The following LRRC69 variants were observed in gnomAD, a reference collection of about 807,000 sequenced individuals.
The protein encoded by LRRC69 is leucine-rich repeat-containing protein 69.
In LRRC69, 42 loss-of-function variants were observed where a neutral mutation model predicts 37.8. The ratio of observed to expected loss-of-function variants is 1.11; its 90% CI spans 0.87 to 1.44. The LOEUF (loss-of-function observed/expected upper bound fraction) is 1.44. LRRC69 is among the 40% of genes most tolerant of loss of function. The pLI is 0.00. For synonymous variants in LRRC69, 141 were observed against 143.1 expected (o/e 0.99, Z 0.11); for missense variants, 357 against 401.9 (o/e 0.89, Z 0.96).
At chr8:91,118,079 T>C (rs1449113557) in intron 1 of LRRC69, 1 of 432,922 alleles carries the variant, frequency 2.3e-6, no homozygotes, top group Non-Finnish European at 4.6e-6. Context: ...AGAGCCTAAA[T>C]ACTAAAAAAT....
intron 1 of LRRC69, among the ~76,000 whole-genome samples, chr8:91,112,854 CTAATAAATGAATTCAG>C (rs1813432819): frequency 6.6e-6 from 1 of 151,850 alleles, no homozygotes; most frequent in South Asian, 2.1e-4. Context: ...ACCGTTAGAA[CTAATAAATGAATTCAG>C]TCAAGTTGCA....
chr8:91,217,266 C>T (rs1810067904), intron 7 of LRRC69, among the ~76,000 whole-genome samples: 1 of 152,114 alleles, frequency 6.6e-6, no homozygotes, highest in South Asian at 2.1e-4. Flanking sequence ...TAAAGAAACC[C>T]AACTCATATA....
At chr8:91,186,027 A>G (rs190433911) in intron 5 of LRRC69, among the ~76,000 whole-genome samples, 3 of 152,316 alleles carry the variant, frequency 2.0e-5, no homozygotes, top group Admixed American at 1.3e-4. Flanking sequence ...CTAAATTTGT[A>G]TATTCTTCCT....
At chr8:91,197,752 C>T (rs1240275497) in intron 6 of LRRC69, among the ~76,000 whole-genome samples, 1 of 152,032 alleles carries the variant, frequency 6.6e-6, no homozygotes. Context: ...CTGGCACTCC[C>T]TAGTGAGATG....
At chr8:91,122,446 T>C (rs541053485) in intron 1 of LRRC69, among the ~76,000 whole-genome samples, 1 of 152,226 alleles carries the variant, frequency 6.6e-6, no homozygotes, top group African/African-American at 2.4e-5. Context: ...TCCTGTTCAG[T>C]AACACAGCCT....
chr8:91,169,959 T>C (rs1413794141), intron 5 of LRRC69, among the ~76,000 whole-genome samples: 87 of 99,002 alleles, frequency 8.8e-4, no homozygotes, highest in Non-Finnish European at 1.5e-3. Context: ...GTCTTTGCTA[T>C]TGTGAATAAT....
intron 1 of LRRC69, among the ~76,000 whole-genome samples, chr8:91,120,402 C>A (rs1813598373): frequency 6.6e-6 from 1 of 152,074 alleles, no homozygotes; most frequent in Admixed American, 6.6e-5. Context: ...TCAGAAGAAA[C>A]CTTCCCAGGA....
rs530808789 is a variant in LRRC69 at position 91,106,206 on chromosome 8, T to C, written c.183+3362T>C. ...ATTTGAACTCTTTCTTATGTGGCTA[T>C]AGTCATACCGTTTATCAGTAATGTT... On this transcript the variant is annotated intron_variant, in intron 1 of 7. Transcript: ENST00000448384. Among the ~76,000 whole-genome samples, 11 of 152,206 alleles carry C rather than the reference T, an allele frequency of 7.2e-5. No homozygotes were observed. In the East Asian group the frequency reaches 2.1e-3, roughly 29 times the overall value.
intron 5 of LRRC69, among the ~76,000 whole-genome samples, chr8:91,176,660 G>A (rs776962469): frequency 2.6e-5 from 4 of 152,204 alleles, no homozygotes; most frequent in Admixed American, 6.5e-5. Flanking sequence ...TCAGAAGCAG[G>A]AGAGCTGATG....
At chr8:91,209,788 G>A (rs1160908064) in intron 7 of LRRC69, among the ~76,000 whole-genome samples, 2 of 152,186 alleles carry the variant, frequency 1.3e-5, no homozygotes, top group Non-Finnish European at 2.9e-5. Flanking sequence ...ATTCCATCAT[G>A]TTAAGGGAAT....
At chr8:91,141,958 A>G (rs568790279) in intron 5 of LRRC69, among the ~76,000 whole-genome samples, 3 of 152,108 alleles carry the variant, frequency 2.0e-5, no homozygotes, top group Non-Finnish European at 2.9e-5. Context: ...AAGGATTACT[A>G]ATATCTTTCT....
chr8:91,209,526 C>T (rs1439792209), intron 7 of LRRC69: 5 of 152,092 alleles, frequency 3.3e-5, no homozygotes, highest in Admixed American at 3.3e-4. Flanking sequence ...AATCTCCAAG[C>T]AATGTAGCTG....
At chr8:91,125,148 C>T (rs372244108) in intron 2 of LRRC69, among the ~76,000 whole-genome samples, 33 of 151,686 alleles carry the variant, frequency 2.2e-4, no homozygotes, top group African/African-American at 7.0e-4. Context: ...ATTTAATATT[C>T]CTAGAGTGGG....
At chr8:91,133,056 G>T in intron 3 of LRRC69, 54 bp from the exon 4 acceptor site, 3 of 1,125,098 alleles carry the variant, frequency 2.7e-6, no homozygotes, top group African/African-American at 3.3e-5. Context: ...CTATATAGTG[G>T]ACTCTTATTC....
chr8:91,133,049 T>C, intron 3 of LRRC69, 61 bp from the exon 4 acceptor site: 1 of 1,041,072 alleles, frequency 9.6e-7, no homozygotes, highest in South Asian at 1.6e-5. Flanking sequence ...GTTGGGCCTA[T>C]ATAGTGGACT....
intron 5 of LRRC69, among the ~76,000 whole-genome samples, chr8:91,142,661 T>G (rs566707293): frequency 1.3e-5 from 2 of 152,034 alleles, no homozygotes; most frequent in Admixed American, 6.6e-5. Flanking sequence ...ATTTCTGTTA[T>G]GTTCTTTGGT....
chr8:91,153,714 A>C (rs1409729072), intron 5 of LRRC69, among the ~76,000 whole-genome samples: 2 of 151,952 alleles, frequency 1.3e-5, no homozygotes, highest in African/African-American at 4.8e-5. Flanking sequence ...CAGCTAAAGC[A>C]GTGATAAGAG....
rs539755300 is a variant in LRRC69 at position 91,176,510 on chromosome 8, T to C, written c.652-13012T>C. On this transcript the variant is annotated intron_variant, in intron 5 of 7. Transcript: ENST00000448384. ...AGAAACAGAACCAACAGGATATCTC[T>C]CTCTCTTTCTCAACATATTTATTAT... Among the ~76,000 whole-genome samples, 96 of 152,240 alleles carry C rather than the reference T, an allele frequency of 6.3e-4. 1 individual carries two copies. The highest frequency in any genetic ancestry group is 2.3e-3 in the African/African-American group (94 of 41,536).
chr8:91,175,041 G>C (rs775862934), intron 5 of LRRC69, among the ~76,000 whole-genome samples: 1 of 152,164 alleles, frequency 6.6e-6, no homozygotes, highest in Non-Finnish European at 1.5e-5. Context: ...AAATATTGGA[G>C]GGACTTATCT....
Sources: gnomAD v4.1 joint callset for allele counts (sites outside exome capture counted in the v4.1 genomes callset) on GRCh38, gnomAD v4.1.1 for gene constraint, MANE v1.5 for transcripts, NCBI Gene and HGNC (gene_info 2026-07-23, HGNC 2026-07-21) for gene names.